Variants in BLOC1S3 observed in about 807,000 individuals in gnomAD.
The protein encoded by BLOC1S3 is biogenesis of lysosomal organelles complex 1 subunit 3, also known as biogenesis of lysosome-related organelles complex 1 subunit 3.
Under a neutral mutation model 9.1 loss-of-function variants are expected in BLOC1S3, and 7 were observed. The observed-to-expected ratio is 0.77, with a 90% CI of 0.44 to 1.45. The LOEUF (loss-of-function observed/expected upper bound fraction) is 1.45, where lower values mean the gene tolerates loss of function less well. Among genes scored for constraint, BLOC1S3 ranks in the 40% most tolerant of loss-of-function variants. The probability of loss-of-function intolerance (pLI) is 0.01; values close to 1 mark genes in which losing one functional copy is unlikely to be tolerated. For synonymous variants in BLOC1S3, 145 were observed against 158.4 expected (o/e 0.92, Z 0.64); for missense variants, 307 against 315.2 (o/e 0.97, Z 0.20).
intron 3 of BLOC1S3, among the ~76,000 whole-genome samples, chr19:45,202,696 C>T (rs1261830441): frequency 1.3e-5 from 2 of 152,136 alleles, no homozygotes; most frequent in African/African-American, 4.8e-5. Context: ...ACTCTTTCCT[C>T]TCCTTTCCTC....
At chr19:45,198,399 C>T (rs1427420688) in intron 2 of BLOC1S3, among the ~76,000 whole-genome samples, 7 of 152,174 alleles carry the variant, frequency 4.6e-5, no homozygotes, top group Non-Finnish European at 8.8e-5. Flanking sequence ...TCAAGCAATT[C>T]TCCTGCCTCA....
chr19:45,192,580 A>C (rs1159731239), intron 2 of BLOC1S3, among the ~76,000 whole-genome samples: 1 of 152,180 alleles, frequency 6.6e-6, no homozygotes, highest in Non-Finnish European at 1.5e-5. Context: ...GCCCACACGG[A>C]GTACTGCCTG....
intron 3 of BLOC1S3, among the ~76,000 whole-genome samples, chr19:45,214,108 T>G (rs1442821815): frequency 6.6e-6 from 1 of 152,076 alleles, no homozygotes; most frequent in East Asian, 1.9e-4. Flanking sequence ...TGATCCAATA[T>G]TCAAGTTCAG....
chr19:45,196,475 C>T (rs1662595919), intron 2 of BLOC1S3, among the ~76,000 whole-genome samples: 1 of 151,974 alleles, frequency 6.6e-6, no homozygotes, highest in Admixed American at 6.6e-5. Context: ...CCTCAGTGTC[C>T]CACAGCACTG....
intron 2 of BLOC1S3, among the ~76,000 whole-genome samples, chr19:45,197,580 C>A (rs183792564): frequency 6.6e-6 from 1 of 151,670 alleles, no homozygotes; most frequent in Non-Finnish European, 1.5e-5. Flanking sequence ...GATCCTAGCA[C>A]GTTGGGAGGC....
chr19:45,188,215 G>T (rs1969579993), intron 2 of BLOC1S3, among the ~76,000 whole-genome samples: 1 of 152,096 alleles, frequency 6.6e-6, no homozygotes, highest in African/African-American at 2.4e-5. Context: ...TAGAGTCAAG[G>T]TTTCACCATG....
chr19:45,183,924 C>T (rs1969547265), downstream of BLOC1S3, among the ~76,000 whole-genome samples: 1 of 152,060 alleles, frequency 6.6e-6, no homozygotes, highest in Non-Finnish European at 1.5e-5. Context: ...CATGAGCCAC[C>T]ACACCTGGTC....
intron 3 of BLOC1S3, among the ~76,000 whole-genome samples, chr19:45,203,813 C>G (rs1200281794): frequency 6.6e-6 from 1 of 152,118 alleles, no homozygotes; most frequent in East Asian, 1.9e-4. Context: ...CACAGATTCT[C>G]TCTCCTTGCC....
At chr19:45,186,877 G>A (rs901238370), upstream of BLOC1S3, among the ~76,000 whole-genome samples, 7 of 152,228 alleles carry the variant, frequency 4.6e-5, no homozygotes, top group African/African-American at 1.7e-4. Flanking sequence ...ACTCTGGGCT[G>A]TCCTCTAAGC....
intron 2 of BLOC1S3, among the ~76,000 whole-genome samples, chr19:45,194,673 T>C (rs1163083539): frequency 1.3e-5 from 2 of 152,144 alleles, no homozygotes; most frequent in African/African-American, 4.8e-5. Context: ...AACATGAATG[T>C]ATCTCACAAG....
intron 3 of BLOC1S3, among the ~76,000 whole-genome samples, chr19:45,206,231 C>T (rs1969724328): frequency 6.6e-6 from 1 of 151,508 alleles, no homozygotes; most frequent in Non-Finnish European, 1.5e-5. Flanking sequence ...GTGGCGTATG[C>T]CTGTAATTCC....
At chr19:45,186,819 A>G (rs114240508), upstream of BLOC1S3, among the ~76,000 whole-genome samples, 1,386 of 152,324 alleles carry the variant, frequency 9.1e-3, 18 homozygotes, top group African/African-American at 0.031. Flanking sequence ...TCCTGGGTCC[A>G]TCTCGCTGAG....
At chr19:45,193,244 G>A (rs1435756982) in intron 2 of BLOC1S3, among the ~76,000 whole-genome samples, 1 of 150,806 alleles carries the variant, frequency 6.6e-6, no homozygotes, top group Non-Finnish European at 1.5e-5. Context: ...ACCTGATTTT[G>A]GTTCTTATGA....
chr19:45,216,349 C>T (rs1264147016), intron 3 of BLOC1S3, among the ~76,000 whole-genome samples: 1 of 152,058 alleles, frequency 6.6e-6, no homozygotes, highest in Non-Finnish European at 1.5e-5. Context: ...GAGGCCGAGG[C>T]GGGTGGATCA....
chr19:45,182,470 C>G (rs1969532667), downstream of BLOC1S3, among the ~76,000 whole-genome samples: 2 of 148,146 alleles, frequency 1.4e-5, no homozygotes, highest in Admixed American at 1.3e-4. Flanking sequence ...GAGTTCTAGA[C>G]CAGCCTGGCC....
intron 2 of BLOC1S3, among the ~76,000 whole-genome samples, chr19:45,196,670 A>T (rs1599753341): frequency 6.6e-6 from 1 of 152,000 alleles, no homozygotes; most frequent in African/African-American, 2.4e-5. Context: ...AGGCGGGTGG[A>T]TCATAAGGTC....
intron 2 of BLOC1S3, among the ~76,000 whole-genome samples, chr19:45,193,406 A>G (rs1422236332): frequency 1.3e-5 from 2 of 151,920 alleles, no homozygotes. Context: ...GTTGTATATC[A>G]TTTTCCTGAT....
Position 45,202,210 on chromosome 19 carries a change from TAAAAAAAAAAAAA to T in BLOC1S3, n.181-181_181-169del, listed in dbSNP as rs59295257. ...CTGGGTGACAGAGTGAGACTCCATC[TAAAAAAAAAAAAA>T]AAAAAAAAAAAAAAGACGTGCCTTT... On this transcript the variant is annotated intron_variant and non_coding_transcript_variant, in intron 2 of 3. Coordinates refer to the BLOC1S3 transcript ENST00000591569. Among the ~76,000 whole-genome samples the T allele has an allele frequency of 9.1e-3, 502 of 54,942 alleles. 9 individuals are homozygous for T. The highest frequency in any genetic ancestry group is 0.025 in the African/African-American group (479 of 19,224). The allele number at this position is 54,942 out of a possible 152,430, so 36.0% of individuals were successfully genotyped here. A position where few individuals can be genotyped will look rare whatever the true frequency, so the allele number is the denominator to read the frequency against.
intron 2 of BLOC1S3, among the ~76,000 whole-genome samples, chr19:45,201,547 C>T (rs943832939): frequency 1.3e-5 from 2 of 152,192 alleles, no homozygotes; most frequent in African/African-American, 4.8e-5. Flanking sequence ...GGGCTTGTGT[C>T]CTTCCCTTCA....
Sources: allele counts gnomAD v4.1 joint callset (sites outside exome capture counted in the v4.1 genomes callset), GRCh38; gene constraint gnomAD v4.1.1; transcripts MANE v1.5; gene names NCBI Gene and HGNC (gene_info 2026-07-23, HGNC 2026-07-21).